The following GNAI3 variants were observed in gnomAD, a reference collection of about 807,000 sequenced individuals.
GNAI3 encodes the protein guanine nucleotide-binding protein G(i) subunit alpha-3.
GNAI3 carries 12 observed loss-of-function variants against 41.8 expected under a neutral mutation model. The ratio of observed to expected loss-of-function variants is 0.29; its 90% confidence interval spans 0.18 to 0.47. The LOEUF (loss-of-function observed/expected upper bound fraction) is 0.47. Among genes scored for constraint, GNAI3 ranks in the 20% least tolerant of loss-of-function variants. The probability of loss-of-function intolerance (pLI) is 1.00; values close to 1 mark genes in which losing one functional copy is unlikely to be tolerated. For synonymous variants in GNAI3, 132 were observed against 146.5 expected (o/e 0.90, Z 0.71); for missense variants, 360 against 429.6 (o/e 0.84, Z 1.43).
rs1446630975 is a variant in GNAI3, at chr1:109,595,361, G to A, written c.*3039G>A. 2.0e-5 allele frequency: 3 copies of A among 152,132 alleles called. No individual in the cohort carries two copies. Among genetic ancestry groups the A allele is most frequent in the Non-Finnish European group, 4.4e-5 (3 of 68,030 alleles). The allele number at this position is 152,132 out of a possible 1,614,324, so 9.4% of individuals were successfully genotyped here. A position where few individuals can be genotyped will look rare whatever the true frequency, so the allele number is the denominator to read the frequency against. On this transcript the variant is annotated 3_prime_UTR_variant, in exon 9 of 9. Transcript: ENST00000369851. ...TGAGATGACATTTTCATCTTGGACA[G>A]TTTGAATTCTAAATCTCTAGTTCAC... is the stretch of plus-strand genomic sequence containing the variant.
intron 1 of GNAI3, among the ~76,000 whole-genome samples, chr1:109,550,225 G>A (rs892509738): frequency 1.6e-4 from 25 of 152,164 alleles, no homozygotes; most frequent in Admixed American, 7.9e-4. Flanking sequence ...TAGTCTCTTC[G>A]TGTGAACATA....
rs1307612772 is a variant in GNAI3 at position 109,593,991 on chromosome 1, T to TA, written c.*1670dup. 5 of 152,660 alleles carry TA rather than the reference T, an allele frequency of 3.3e-5. No homozygotes were observed. Among genetic ancestry groups the TA allele is most frequent in the African/African-American group, 1.2e-4 (5 of 41,468 alleles). The allele number at this position is 152,660 out of a possible 1,614,324, so 9.5% of individuals were successfully genotyped here. ...GGTGGTCAACAAAAAAAGCAAGTCA[T>TA]AGCAGTTCAGTGCCTTTGTTGGTAG... On this transcript the variant is annotated 3_prime_UTR_variant, in exon 9 of 9. Transcript: ENST00000369851.
chr1:109,594,930 C>CCTGG lies in GNAI3; in HGVS notation c.*2614_*2617dup, dbSNP rs1416374580. 1 of 152,176 alleles carries CCTGG rather than the reference C, an allele frequency of 6.6e-6. No homozygotes were observed. The highest frequency in any genetic ancestry group is 6.5e-5 in the Admixed American group (1 of 15,282). The allele number at this position is 152,176 out of a possible 1,614,324, so 9.4% of individuals were successfully genotyped here. On this transcript the variant is annotated 3_prime_UTR_variant, in exon 9 of 9. Transcript: ENST00000369851. ...GGGATTACAGGCGTGAGCCACCGCA[C>CCTGG]CTGGCTGGCAATTTATAATTTTTAA...
At chr1:109,561,045 T>C (rs909335105) in intron 1 of GNAI3, among the ~76,000 whole-genome samples, 6 of 152,218 alleles carry the variant, frequency 3.9e-5, no homozygotes, top group African/African-American at 1.2e-4. Flanking sequence ...CCATGACTTA[T>C]GTAGGTAATG....
chr1:109,592,051 A>G lies in GNAI3; in HGVS notation c.883A>G (p.Thr295Ala), dbSNP rs112547520. 3.9e-5 allele frequency: 63 copies of G among 1,606,758 alleles called. No homozygotes were observed. The African/African-American group carries it at 7.1e-4, about 18-fold the overall frequency. ...ICYPEYTGSN[T>A]YEEAAAYIQC... Reference sequence around the variant, plus strand: ...CTGGGTGTCCGTTTTAGGTTCCAATACATATGAAGAGGCAGCTGCCTATAT... The same window carrying G: ...CTGGGTGTCCGTTTTAGGTTCCAATGCATATGAAGAGGCAGCTGCCTATAT... The change falls in exon 8 of 9, where the codon ACA (threonine) becomes GCA (alanine). Residue 295 changes from threonine (T) to alanine (A), a missense_variant. Thr to Ala is a moderately conservative substitution (Grantham distance 58). Transcript: ENST00000369851.
chr1:109,579,711 T>G (rs1435008694), intron 4 of GNAI3, among the ~76,000 whole-genome samples: 1 of 152,190 alleles, frequency 6.6e-6, no homozygotes, highest in East Asian at 1.9e-4. Flanking sequence ...GATAGCCAGC[T>G]AGAGAGGGAA....
rs1481930555 is a variant in GNAI3 at position 109,594,365 on chromosome 1, G to GT, written c.*2044dup. ...AAAAAGTTCATTTTACTTTGAATTT[G>GT]TATTTTCATTTGAATATCTATCTGA... is the stretch of plus-strand genomic sequence containing the variant. On this transcript the variant is annotated 3_prime_UTR_variant, in exon 9 of 9. Coordinates refer to ENST00000369851, the MANE Select transcript of GNAI3 (RefSeq NM_006496.4). 6.6e-6 allele frequency: 1 copy of GT among 152,092 alleles called. No individual in the cohort carries two copies. Among genetic ancestry groups the GT allele is most frequent in the Admixed American group, 6.5e-5 (1 of 15,268 alleles). 9.4% of individuals were successfully genotyped at this position (152,092 alleles called of 1,614,324 possible).
At position 109,596,828 on chromosome 1, in the gene GNAI3, G is replaced by C. The variant is rs1006776212; in HGVS notation, c.*4506G>C. On this transcript the variant is annotated 3_prime_UTR_variant, in exon 9 of 9. Transcript: ENST00000369851. ...TAGTAAATTAAAATGTCTGAGCCAG[G>C]TCATGGGAATATACATGTTTTTAAT... is the stretch of plus-strand genomic sequence containing the variant. 1.3e-5 allele frequency: 2 copies of C among 152,190 alleles called. No individual in the cohort carries two copies. The highest frequency in any genetic ancestry group is 1.3e-4 in the Admixed American group (2 of 15,284). 9.4% of individuals were successfully genotyped at this position (152,190 alleles called of 1,614,324 possible).
chr1:109,582,675 A>G, intron 5 of GNAI3, 110 bp downstream of exon 5: 2 of 687,452 alleles, frequency 2.9e-6, no homozygotes, highest in Non-Finnish European at 5.2e-6. Context: ...CTTGGTTTAA[A>G]CTTAACATAT....
chr1:109,574,096 G>A (rs1648678324), intron 3 of GNAI3, 59 bp downstream of exon 3: 3 of 1,361,644 alleles, frequency 2.2e-6, no homozygotes, highest in Middle Eastern at 1.9e-4. Context: ...GTTAAGTTAA[G>A]CAAAATTTTT....
chr1:109,549,083 A>G (rs535840396), intron 1 of GNAI3, among the ~76,000 whole-genome samples: 1 of 152,324 alleles, frequency 6.6e-6, no homozygotes, highest in East Asian at 1.9e-4. Context: ...TGCGTTTAGC[A>G]GAGAGACTTG....
chr1:109,558,630 T>G lies in GNAI3; in HGVS notation c.118+9792T>G, dbSNP rs1329278984. Among the ~76,000 whole-genome samples the G allele has an allele frequency of 2.0e-5, 3 of 152,194 alleles. No individual in the cohort carries two copies. The East Asian group carries it at 5.8e-4, about 29-fold the overall frequency. On this transcript the variant is annotated intron_variant, in intron 1 of 8. Transcript: ENST00000369851. ...CATCACCCTGGCTTTTTTTTTGTGC[T>G]AATTTTTCCTCTTACTACTTTTATG...
At position 109,598,997 on chromosome 1, in the gene GNAI3, A is replaced by G. The variant is rs756199572; in HGVS notation, c.*6675A>G. ...CACTTTGGTCTACGGCACATCTCCA[A>G]GTATAGAGTGGGTTTTGAATGCTGT... On this transcript the variant is annotated 3_prime_UTR_variant, in exon 9 of 9. Coordinates refer to ENST00000369851, the MANE Select transcript of GNAI3 (RefSeq NM_006496.4). 1 of 534,106 alleles carries G rather than the reference A, an allele frequency of 1.9e-6. No individual in the cohort carries two copies. Among genetic ancestry groups the G allele is most frequent in the Non-Finnish European group, 3.9e-6 (1 of 259,514 alleles). 33.1% of individuals were successfully genotyped at this position (534,106 alleles called of 1,614,324 possible). A position where few individuals can be genotyped will look rare whatever the true frequency, so the allele number is the denominator to read the frequency against.
rs527318802 is a variant in GNAI3, at chr1:109,596,765, A to T, written c.*4443A>T. 1 of 152,222 alleles carries T rather than the reference A, an allele frequency of 6.6e-6. No homozygotes were observed. 9.4% of individuals were successfully genotyped at this position (152,222 alleles called of 1,614,324 possible). On this transcript the variant is annotated 3_prime_UTR_variant, in exon 9 of 9. Transcript: ENST00000369851. ...AAACAGCAGTAGTTACCTGGGGTACATGGTTAATTTGATTTAGCAGATTCT... is the reference window on the plus strand; with the variant it reads ...AAACAGCAGTAGTTACCTGGGGTACTTGGTTAATTTGATTTAGCAGATTCT...
At chr1:109,581,271 G>T (rs909524489) in intron 4 of GNAI3, among the ~76,000 whole-genome samples, 2 of 149,896 alleles carry the variant, frequency 1.3e-5, no homozygotes, top group African/African-American at 4.9e-5. Flanking sequence ...ATTTGTTTTT[G>T]ATTTAGATTA....
chr1:109,559,607 T>C (rs757023115), intron 1 of GNAI3, among the ~76,000 whole-genome samples: 5 of 152,262 alleles, frequency 3.3e-5, no homozygotes, highest in African/African-American at 4.8e-5. Flanking sequence ...GTTAGAAAGA[T>C]AGTTAAAAAC....
At chr1:109,590,771 A>G (rs1417774431) in intron 7 of GNAI3, among the ~76,000 whole-genome samples, 2 of 152,010 alleles carry the variant, frequency 1.3e-5, no homozygotes, top group East Asian at 3.9e-4. Flanking sequence ...TCACTAAGTT[A>G]GCCAGGCTGG....
intron 1 of GNAI3, among the ~76,000 whole-genome samples, chr1:109,563,867 G>A (rs988689472): frequency 4.6e-4 from 12 of 26,140 alleles, no homozygotes; most frequent in African/African-American, 2.7e-3. Context: ...AAGATAAATG[G>A]TAATGTTTAA....
At chr1:109,582,607 ATCTTTCATTT>A in intron 5 of GNAI3, 42 bp downstream of exon 5, 1 of 1,471,232 alleles carries the variant, frequency 6.8e-7, no homozygotes, top group Non-Finnish European at 9.5e-7. Context: ...AAATACAAGT[ATCTTTCATTT>A]TAGTTTACCA....
Sources: allele counts gnomAD v4.1 joint callset (sites outside exome capture counted in the v4.1 genomes callset), GRCh38; gene constraint gnomAD v4.1.1; transcripts MANE v1.5; gene names NCBI Gene and HGNC (gene_info 2026-07-23, HGNC 2026-07-21).